Variants in UBOX5 observed in about 807,000 individuals in gnomAD.
UBOX5 encodes the protein U-box domain containing 5.
UBOX5 carries 28 observed loss-of-function variants against 39.0 expected under a neutral mutation model. The observed-to-expected ratio is 0.72, with a 90% CI of 0.53 to 0.98. UBOX5 has a LOEUF of 0.98. Among genes scored for constraint, UBOX5 ranks in the 50% least tolerant of loss-of-function variants. UBOX5 has a pLI of 0.00. For synonymous variants in UBOX5, 283 were observed against 275.5 expected (o/e 1.03, Z -0.27); for missense variants, 585 against 674.4 (o/e 0.87, Z 1.47).
rs551751565 is a variant in UBOX5 at position 3,109,883 on chromosome 20, G to A, written c.*223C>T. 6 of 606,174 alleles carry A rather than the reference G, an allele frequency of 9.9e-6. No individual in the cohort carries two copies. In the African/African-American group the frequency reaches 1.1e-4, roughly 11 times the overall value. The allele number at this position is 606,174 out of a possible 1,614,324, so 37.5% of individuals were successfully genotyped here. A position where few individuals can be genotyped will look rare whatever the true frequency, so the allele number is the denominator to read the frequency against. ...GGGCTCAGGCAGGGGGGGTGGCAGG[G>A]AGGCAGGGACATCCCCCCGCCCTCT... On this transcript the variant is annotated 3_prime_UTR_variant, in exon 5 of 5. Coordinates refer to ENST00000217173, the MANE Select transcript of UBOX5 (RefSeq NM_014948.4).
At position 3,135,318 on chromosome 20, in the gene UBOX5, A is replaced by T. The variant is rs147353107; in HGVS notation, c.-41-11912T>A. ...ATATTAATGCTACCACAGACTGTAG[A>T]CTACAGGAGCCAAGAGGTGAGAACA... is the stretch of plus-strand genomic sequence containing the variant. On this transcript the variant is annotated intron_variant, in intron 1 of 4. Transcript: ENST00000217173. Among the ~76,000 whole-genome samples, 700 of 152,256 alleles carry T rather than the reference A, an allele frequency of 4.6e-3. 1 individual carries two copies. The highest frequency in any genetic ancestry group is 6.9e-3 in the Non-Finnish European group (471 of 68,014).
At chr20:3,147,131 T>C (rs1328399673) in intron 1 of UBOX5, 2 of 1,613,690 alleles carry the variant, frequency 1.2e-6, no homozygotes, top group Non-Finnish European at 1.7e-6. Flanking sequence ...AGGCTCTGAC[T>C]CAGTTTTGCC....
chr20:3,135,010 A>C (rs959798413), intron 1 of UBOX5, among the ~76,000 whole-genome samples: 2 of 152,176 alleles, frequency 1.3e-5, no homozygotes, highest in Non-Finnish European at 2.9e-5. Flanking sequence ...AAATAATTAG[A>C]AGAGAATACA....
intron 1 of UBOX5, among the ~76,000 whole-genome samples, chr20:3,157,378 T>C (rs1390981434): frequency 1.3e-5 from 2 of 152,214 alleles, no homozygotes; most frequent in Non-Finnish European, 2.9e-5. Flanking sequence ...AAACTAAAAT[T>C]ATTCAGTCTA....
intron 4 of UBOX5, 160 bp from the exon 5 acceptor site, chr20:3,110,474 G>C: frequency 1.3e-6 from 1 of 771,716 alleles, no homozygotes; most frequent in Non-Finnish European, 2.1e-6. Context: ...GGAAGCGGGA[G>C]AGGGAGCCTG....
Position 3,121,430 on chromosome 20 carries a change from C to A in UBOX5, c.1209G>T (p.Met403Ile). Residue 403 changes from methionine to isoleucine, a missense_variant, in exon 3 of 5, where the codon ATG becomes ATT. By Grantham distance (10) the Met-to-Ile change is conservative. Coordinates refer to ENST00000217173, the MANE Select transcript of UBOX5 (RefSeq NM_014948.4). ...TCAGGCTGGGCTCATTGGTGGCTTT[C>A]ATTTTCTTAGCAGTGTGCTCTGAGG... ...PTTSEHTAKK[M>I]KATNEPSLTH... 6.2e-7 allele frequency: 1 copy of A among 1,613,964 alleles called. No homozygotes were observed. The highest frequency in any genetic ancestry group is 8.5e-7 in the Non-Finnish European group (1 of 1,179,918).
chr20:3,119,691 T>TA (rs2066319667), intron 3 of UBOX5, among the ~76,000 whole-genome samples: 1 of 152,012 alleles, frequency 6.6e-6, no homozygotes, highest in Non-Finnish European at 1.5e-5. Flanking sequence ...CTGTCTTTAC[T>TA]AAAAATACAA....
chr20:3,134,089 C>T (rs562639364), intron 1 of UBOX5, among the ~76,000 whole-genome samples: 1 of 151,458 alleles, frequency 6.6e-6, no homozygotes, highest in South Asian at 2.1e-4. Context: ...GTCTGTCATT[C>T]AAATCAGTAT....
chr20:3,109,959 T>C lies in UBOX5; in HGVS notation c.*147A>G, dbSNP rs569527148. 76 of 878,068 alleles carry C rather than the reference T, an allele frequency of 8.7e-5. No homozygotes were observed. The African/African-American group carries it at 1.1e-3, about 12-fold the overall frequency. 54.4% of individuals were successfully genotyped at this position (878,068 alleles called of 1,614,324 possible). ...CCACCAGCGCAGAAGCAATGTGCTA[T>C]ACCGTGAGGTGATGAAGAAGAGCCC... On this transcript the variant is annotated 3_prime_UTR_variant, in exon 5 of 5. Coordinates refer to ENST00000217173, the MANE Select transcript of UBOX5 (RefSeq NM_014948.4).
chr20:3,157,859 G>A (rs958483123), intron 1 of UBOX5, among the ~76,000 whole-genome samples: 3 of 152,052 alleles, frequency 2.0e-5, no homozygotes, highest in Non-Finnish European at 4.4e-5. Flanking sequence ...AGGCTGTATA[G>A]TACATACTTC....
At chr20:3,155,421 C>T (rs749237388) in intron 1 of UBOX5, among the ~76,000 whole-genome samples, 4 of 151,770 alleles carry the variant, frequency 2.6e-5, no homozygotes, top group African/African-American at 4.8e-5. Flanking sequence ...ATCTCAGCTA[C>T]TCAGAAGGCC....
chr20:3,122,987 G>A (rs1247184752), intron 2 of UBOX5, among the ~76,000 whole-genome samples: 1 of 151,962 alleles, frequency 6.6e-6, no homozygotes, highest in African/African-American at 2.4e-5. Context: ...CTTCAAAACA[G>A]TATCTGGGGA....
intron 3 of UBOX5, among the ~76,000 whole-genome samples, chr20:3,115,974 G>A (rs954405410): frequency 5.9e-5 from 9 of 151,968 alleles, no homozygotes; most frequent in Non-Finnish European, 1.2e-4. Context: ...ATGTTGGCTA[G>A]GAGATCTCCT....
chr20:3,112,125 G>T (rs1568467579), intron 4 of UBOX5, among the ~76,000 whole-genome samples: 1 of 146,700 alleles, frequency 6.8e-6, no homozygotes, highest in Non-Finnish European at 1.5e-5. Context: ...CCTCTACAGG[G>T]AAGGGAAGGA....
At position 3,138,448 on chromosome 20, in the gene UBOX5, T is replaced by C. The variant is rs921785276; in HGVS notation, c.-41-15042A>G. Among the ~76,000 whole-genome samples, 6 of 152,062 alleles carry C rather than the reference T, an allele frequency of 3.9e-5. No homozygotes were observed. The East Asian group carries it at 5.8e-4, about 15-fold the overall frequency. ...GTTGTTCTTCTTTTCCTTTTATGTA[T>C]TGAAAGTTGATGTATGCCTGAGGTC... On this transcript the variant is annotated intron_variant, in intron 1 of 4. Coordinates refer to ENST00000217173, the MANE Select transcript of UBOX5 (RefSeq NM_014948.4).
chr20:3,125,722 C>T (rs1436636855), intron 1 of UBOX5, among the ~76,000 whole-genome samples: 10 of 145,462 alleles, frequency 6.9e-5, no homozygotes, highest in Non-Finnish European at 9.0e-5. Context: ...TCTGCCTGGC[C>T]GCCCATCATC....
At chr20:3,141,797 G>A (rs1157261565) in intron 1 of UBOX5, among the ~76,000 whole-genome samples, 1 of 152,152 alleles carries the variant, frequency 6.6e-6, no homozygotes, top group Non-Finnish European at 1.5e-5. Context: ...AGTATTGCTT[G>A]AGCCCAAGAG....
intron 1 of UBOX5, chr20:3,148,299 CT>C: frequency 6.2e-7 from 1 of 1,613,262 alleles, no homozygotes. Flanking sequence ...AACCTAGGTA[CT>C]TTGCGGCCTA....
intron 1 of UBOX5, among the ~76,000 whole-genome samples, chr20:3,128,118 C>T (rs866468711): frequency 2.3e-4 from 35 of 152,178 alleles, no homozygotes; most frequent in African/African-American, 7.2e-4. Flanking sequence ...GTGTTCTCCA[C>T]GATAAGTAAA....
Sources: allele counts gnomAD v4.1 joint callset (sites outside exome capture counted in the v4.1 genomes callset), GRCh38; gene constraint gnomAD v4.1.1; transcripts MANE v1.5; gene names NCBI Gene and HGNC (gene_info 2026-07-23, HGNC 2026-07-21).